Variants in ROBO1 observed in about 807,000 individuals in gnomAD.
The protein encoded by ROBO1 is roundabout guidance receptor 1, also known as roundabout homolog 1.
A neutral mutation model predicts 195.9 loss-of-function variants in ROBO1; 149 were observed. The ratio of observed to expected loss-of-function variants is 0.76; its 90% confidence interval spans 0.67 to 0.87. The LOEUF (loss-of-function observed/expected upper bound fraction) is 0.87. Ranked by LOEUF, ROBO1 falls within the 40% of genes least tolerant of loss-of-function variation. The pLI, the probability that ROBO1 is intolerant of heterozygous loss-of-function variation, is 0.00. For missense variants in ROBO1, 1,933 were observed against 2,068.3 expected (o/e 0.93, Z 1.27); for synonymous variants, 816 against 733.2 (o/e 1.11, Z -1.82).
At chr3:79,560,534 A>ATT (rs1235102532) in intron 2 of ROBO1, among the ~76,000 whole-genome samples, 29 of 74,982 alleles carry the variant, frequency 3.9e-4, no homozygotes, top group Admixed American at 1.9e-3. Context: ...AATAATAATA[A>ATT]TTATATATAT....
At chr3:79,467,326 G>A (rs1427317958) in intron 2 of ROBO1, among the ~76,000 whole-genome samples, 2 of 151,822 alleles carry the variant, frequency 1.3e-5, no homozygotes, top group Non-Finnish European at 2.9e-5. Flanking sequence ...CCTGGCAAAG[G>A]CCCCACCCTC....
chr3:79,209,953 A>G (rs931140330), intron 2 of ROBO1, among the ~76,000 whole-genome samples: 1 of 152,156 alleles, frequency 6.6e-6, no homozygotes, highest in East Asian at 1.9e-4. Flanking sequence ...GCTGCAAAAC[A>G]AAAACAAATA....
chr3:78,904,460 C>T (rs2037770363), intron 4 of ROBO1, among the ~76,000 whole-genome samples: 1 of 151,874 alleles, frequency 6.6e-6, no homozygotes, highest in Non-Finnish European at 1.5e-5. Context: ...TAAGACTATC[C>T]CTGGCAAAGA....
intron 2 of ROBO1, among the ~76,000 whole-genome samples, chr3:79,557,944 A>G (rs933653348): frequency 1.3e-5 from 2 of 152,062 alleles, no homozygotes; most frequent in Admixed American, 6.6e-5. Flanking sequence ...TTGAATCTAT[A>G]TAGTTAACAG....
intron 2 of ROBO1, among the ~76,000 whole-genome samples, chr3:79,291,808 A>T (rs1277323874): frequency 6.6e-6 from 1 of 152,198 alleles, no homozygotes; most frequent in East Asian, 1.9e-4. Flanking sequence ...CTCCTGTGAT[A>T]GCCCACCATA....
intron 2 of ROBO1, among the ~76,000 whole-genome samples, chr3:79,563,207 C>T (rs1051355395): frequency 6.6e-6 from 1 of 152,006 alleles, no homozygotes; most frequent in Non-Finnish European, 1.5e-5. Flanking sequence ...CAACTTGTAG[C>T]ACACAAAACT....
chr3:79,096,257 C>T (rs2079563884), intron 3 of ROBO1, among the ~76,000 whole-genome samples: 1 of 151,898 alleles, frequency 6.6e-6, no homozygotes. Flanking sequence ...CTAAACTGTG[C>T]ATCTGCTTCT....
intron 2 of ROBO1, among the ~76,000 whole-genome samples, chr3:79,339,047 G>A (rs972991564): frequency 2.0e-5 from 3 of 151,828 alleles, no homozygotes; most frequent in Non-Finnish European, 2.9e-5. Flanking sequence ...TAAATTCAAC[G>A]GCAAATGTTG....
At chr3:79,687,627 C>T (rs889809061) in intron 1 of ROBO1, among the ~76,000 whole-genome samples, 1 of 152,142 alleles carries the variant, frequency 6.6e-6, no homozygotes, top group Admixed American at 6.5e-5. Flanking sequence ...AAATGCTCAT[C>T]ATCACTGGCC....
intron 3 of ROBO1, among the ~76,000 whole-genome samples, chr3:78,958,815 TCTTC>T (rs893060688): frequency 6.7e-6 from 1 of 149,106 alleles, no homozygotes; most frequent in African/African-American, 2.5e-5. Context: ...CACCCTTTCT[TCTTC>T]TTTTTTTTTT....
intron 2 of ROBO1, among the ~76,000 whole-genome samples, chr3:79,182,406 A>C (rs566481772): frequency 6.6e-6 from 1 of 152,334 alleles, no homozygotes; most frequent in African/African-American, 2.4e-5. Context: ...TCAAGACACC[A>C]TCTTTTCAGT....
chr3:78,910,004 T>C (rs1350117714), intron 4 of ROBO1, among the ~76,000 whole-genome samples: 3 of 151,936 alleles, frequency 2.0e-5, no homozygotes, highest in Admixed American at 2.0e-4. Context: ...ATTTAATTAA[T>C]GTAAAGTCAG....
intron 4 of ROBO1, among the ~76,000 whole-genome samples, chr3:78,884,721 G>T (rs1273275738): frequency 6.8e-6 from 1 of 146,176 alleles, no homozygotes; most frequent in Non-Finnish European, 1.5e-5. Context: ...AGAAGGAAAG[G>T]AAAGGAAGGA....
intron 2 of ROBO1, among the ~76,000 whole-genome samples, chr3:79,454,653 T>C (rs1264326860): frequency 1.3e-5 from 2 of 152,140 alleles, no homozygotes; most frequent in Non-Finnish European, 2.9e-5. Context: ...CAATAAAATT[T>C]CAAAGTACCT....
At chr3:79,545,845 C>T (rs933798332) in intron 2 of ROBO1, among the ~76,000 whole-genome samples, 1 of 152,016 alleles carries the variant, frequency 6.6e-6, no homozygotes, top group African/African-American at 2.4e-5. Context: ...GCATGGGTGG[C>T]CCAGGAGGGT....
intron 2 of ROBO1, among the ~76,000 whole-genome samples, chr3:79,567,063 C>G (rs1943113131): frequency 1.3e-5 from 2 of 152,158 alleles, no homozygotes; most frequent in Admixed American, 6.6e-5. Flanking sequence ...CCATGGAATA[C>G]TATGCAGCCG....
At position 79,324,487 on chromosome 3, in the gene ROBO1, T is replaced by C. The variant is rs536267407; in HGVS notation, c.89-198948A>G. Among the ~76,000 whole-genome samples, 286 of 152,268 alleles carry C rather than the reference T, an allele frequency of 1.9e-3. 1 individual carries two copies. Among genetic ancestry groups the C allele is most frequent in the African/African-American group, 5.9e-3 (246 of 41,558 alleles). The stretch of plus-strand genomic sequence containing the variant: ...CAAGGTGGGAAGGGGAGGAAGGGTG[T>C]AGTTACTTTAGATGAAATCTTTGGG... On this transcript the variant is annotated intron_variant, in intron 2 of 30. Coordinates refer to ENST00000464233, the MANE Select transcript of ROBO1 (RefSeq NM_002941.4).
chr3:78,888,433 T>C (rs1284133074), intron 4 of ROBO1, among the ~76,000 whole-genome samples: 1 of 152,200 alleles, frequency 6.6e-6, no homozygotes, highest in Non-Finnish European at 1.5e-5. Context: ...TAGTCTTCTG[T>C]GGTTAGAGAC....
chr3:79,009,538 C>T (rs185796996), intron 3 of ROBO1, among the ~76,000 whole-genome samples: 1 of 152,300 alleles, frequency 6.6e-6, no homozygotes, highest in Admixed American at 6.5e-5. Context: ...GAAACACATA[C>T]TTAAAACAGT....
Sources: gnomAD v4.1 joint callset for allele counts (sites outside exome capture counted in the v4.1 genomes callset) on GRCh38, gnomAD v4.1.1 for gene constraint, MANE v1.5 for transcripts, NCBI Gene and HGNC (gene_info 2026-07-23, HGNC 2026-07-21) for gene names.